TRPC7: variants seen among roughly 807,000 people sequenced by gnomAD.
The protein encoded by TRPC7 is short transient receptor potential channel 7.
A neutral mutation model predicts 90.1 loss-of-function variants in TRPC7; 42 were observed. The observed-to-expected ratio is 0.47, with a 90% CI of 0.36 to 0.60. The LOEUF (loss-of-function observed/expected upper bound fraction) is 0.60, where lower values mean the gene tolerates loss of function less well. Among genes scored for constraint, TRPC7 ranks in the 20% least tolerant of loss-of-function variants. The probability of loss-of-function intolerance (pLI) is 0.00; values close to 1 mark genes in which losing one functional copy is unlikely to be tolerated. For missense variants in TRPC7, 955 were observed against 1,112.3 expected, an observed-to-expected ratio of 0.86 and a Z score of 2.01; for synonymous variants, 451 against 436.3, an observed-to-expected ratio of 1.03 and a Z score of -0.42.
intron 2 of TRPC7, among the ~76,000 whole-genome samples, chr5:136,336,491 G>A (rs1293678932): frequency 6.6e-6 from 1 of 151,824 alleles, no homozygotes; most frequent in Non-Finnish European, 1.5e-5. Flanking sequence ...AGCAGAAAGG[G>A]CTAGGGAAAG....
At chr5:136,218,104 ATATT>A (rs1023256558) in intron 10 of TRPC7, among the ~76,000 whole-genome samples, 2 of 146,314 alleles carry the variant, frequency 1.4e-5, no homozygotes, top group African/African-American at 4.9e-5. Flanking sequence ...TATATAATAT[ATATT>A]TGAGATATAT....
intron 2 of TRPC7, among the ~76,000 whole-genome samples, chr5:136,335,622 G>A (rs967726177): frequency 2.0e-5 from 3 of 151,830 alleles, no homozygotes; most frequent in African/African-American, 4.8e-5. Flanking sequence ...AGCTACGAGA[G>A]GCCAGGCGCG....
At chr5:136,281,664 T>A (rs1449567618) in intron 3 of TRPC7, among the ~76,000 whole-genome samples, 2 of 152,166 alleles carry the variant, frequency 1.3e-5, no homozygotes, top group East Asian at 3.8e-4. Context: ...CACGTGTCAA[T>A]ACAAGCTCCA....
intron 7 of TRPC7, among the ~76,000 whole-genome samples, chr5:136,242,621 C>G (rs2149801909): frequency 6.6e-6 from 1 of 152,304 alleles, no homozygotes; most frequent in South Asian, 2.1e-4. Context: ...TTAACAAGCT[C>G]CTTGTTTTTG....
intron 5 of TRPC7, among the ~76,000 whole-genome samples, chr5:136,259,014 C>T (rs1213398909): frequency 6.6e-6 from 1 of 152,190 alleles, no homozygotes; most frequent in African/African-American, 2.4e-5. Flanking sequence ...ATTTGTTTTT[C>T]AGGCAAGAGG....
intron 3 of TRPC7, among the ~76,000 whole-genome samples, chr5:136,313,089 T>C (rs1305887083): frequency 6.6e-6 from 1 of 151,226 alleles, no homozygotes; most frequent in Non-Finnish European, 1.5e-5. Flanking sequence ...AGTGTTGGCA[T>C]TACAGGCATA....
At chr5:136,237,813 C>T (rs1431051014) in intron 7 of TRPC7, among the ~76,000 whole-genome samples, 1 of 152,228 alleles carries the variant, frequency 6.6e-6, no homozygotes, top group African/African-American at 2.4e-5. Flanking sequence ...TCTGCATCAA[C>T]TGCAATAGGC....
chr5:136,217,440 T>G (rs949737158), intron 10 of TRPC7, among the ~76,000 whole-genome samples: 3 of 152,198 alleles, frequency 2.0e-5, no homozygotes, highest in Non-Finnish European at 4.4e-5. Context: ...TGGCCTGTGA[T>G]TCTAAGACTT....
chr5:136,277,338 A>T (rs921309166), intron 3 of TRPC7, among the ~76,000 whole-genome samples: 1 of 152,206 alleles, frequency 6.6e-6, no homozygotes, highest in Non-Finnish European at 1.5e-5. Context: ...CTCTATAATA[A>T]AGCAACCTAG....
At chr5:136,308,294 T>C (rs935473829) in intron 3 of TRPC7, among the ~76,000 whole-genome samples, 1 of 152,218 alleles carries the variant, frequency 6.6e-6, no homozygotes, top group African/African-American at 2.4e-5. Context: ...ACGGAAGTGC[T>C]TAGAGGAATT....
chr5:136,335,889 G>A (rs1378303196), intron 2 of TRPC7, among the ~76,000 whole-genome samples: 3 of 125,584 alleles, frequency 2.4e-5, no homozygotes, highest in African/African-American at 9.7e-5. Flanking sequence ...GGGCGACAGA[G>A]CGAGACTCCG....
At chr5:136,219,268 T>C (rs1194337728) in intron 10 of TRPC7, among the ~76,000 whole-genome samples, 2 of 152,250 alleles carry the variant, frequency 1.3e-5, no homozygotes, top group Non-Finnish European at 2.9e-5. Context: ...TCTGTAGACC[T>C]AGGGCTCAGA....
chr5:136,307,398 T>C (rs1199389231), intron 3 of TRPC7, among the ~76,000 whole-genome samples: 1 of 149,460 alleles, frequency 6.7e-6, no homozygotes, highest in Non-Finnish European at 1.5e-5. Context: ...GTATTTGTCT[T>C]TCTGAGGCTG....
In TRPC7 at chr5:136,251,735, T is replaced by A. The variant is rs1756525068; in HGVS notation, c.1493A>T (p.Glu498Val). The A allele has an allele frequency of 1.9e-6, 3 of 1,613,810 alleles. No individual in the cohort carries two copies. In the South Asian group the frequency reaches 3.3e-5, roughly 18 times the overall value. The change falls in exon 6 of 12, where the codon GAG becomes GTG. Residue 498 changes from glutamate (E) to valine (V), a missense_variant. Glu to Val is a moderately radical substitution (Grantham distance 121). This residue lies in a region of TRPC7 where 484 missense variants were observed against 509.6 expected (regional missense o/e 0.95). Transcript: ENST00000513104. The part of the protein sequence containing the change: ...ARFMAFLKAT[E>V]AQLYVDQHVQ... ...GTGCTGGTCCACGTACAGCTGTGCC[T>A]CCGTGGCCTTCAGGAAGGCCATGAA...
intron 4 of TRPC7, 95 bp downstream of exon 4, chr5:136,274,578 A>G (rs1176831559): frequency 2.3e-6 from 3 of 1,280,910 alleles, no homozygotes; most frequent in African/African-American, 1.5e-5. Flanking sequence ...ATATGGGAAA[A>G]AATCAGCTGC....
chr5:136,268,521 C>T (rs1757110339), intron 4 of TRPC7, among the ~76,000 whole-genome samples: 1 of 152,114 alleles, frequency 6.6e-6, no homozygotes, highest in South Asian at 2.1e-4. Flanking sequence ...TGGGGTATAC[C>T]TCTCCAACTT....
chr5:136,305,192 C>A lies in TRPC7; in HGVS notation c.963+10405G>T, dbSNP rs796413539. On this transcript the variant is annotated intron_variant, in intron 3 of 11. Transcript: ENST00000513104. The stretch of plus-strand genomic sequence containing the variant: ...TCCCATATTATTCCTGATACCACAC[C>A]TGACCCCCATGACTGTATCTCTCTG... 2.6e-5 allele frequency among the ~76,000 whole-genome samples: 4 copies of A among 152,198 alleles called. No homozygotes were observed. In the South Asian group the frequency reaches 8.3e-4, roughly 31 times the overall value.
chr5:136,230,977 C>T (rs1362582833), intron 8 of TRPC7, among the ~76,000 whole-genome samples: 1 of 152,244 alleles, frequency 6.6e-6, no homozygotes, highest in African/African-American at 2.4e-5. Flanking sequence ...GTGCCTAGTG[C>T]GGATTTGGCA....
chr5:136,289,479 G>A (rs960667522), intron 3 of TRPC7, among the ~76,000 whole-genome samples: 20 of 152,248 alleles, frequency 1.3e-4, no homozygotes, highest in Non-Finnish European at 2.6e-4. Context: ...TTAACAAATG[G>A]CACACCAGGA....
Sources: allele counts gnomAD v4.1 joint callset (sites outside exome capture counted in the v4.1 genomes callset), GRCh38; gene constraint gnomAD v4.1.1; regional missense constraint gnomAD v4.1.1; transcripts MANE v1.5; gene names NCBI Gene and HGNC (gene_info 2026-07-23, HGNC 2026-07-21).